HMGA2: variants seen among roughly 807,000 people sequenced by gnomAD.
HMGA2 encodes high mobility group AT-hook 2, also known as high mobility group protein HMGI-C.
In HMGA2, 8 loss-of-function variants were observed where a neutral mutation model predicts 19.1. The ratio of observed to expected loss-of-function variants is 0.42; its 90% confidence interval spans 0.25 to 0.76. HMGA2 has a LOEUF of 0.76. Among genes scored for constraint, HMGA2 ranks in the 30% least tolerant of loss-of-function variants. The pLI, the probability that HMGA2 is intolerant of heterozygous loss-of-function variation, is 0.28. For synonymous variants in HMGA2, 60 were observed against 48.8 expected (o/e 1.23, Z -0.96); for missense variants, 109 against 136.3 (o/e 0.80, Z 1.00).
intron 4 of HMGA2, among the ~76,000 whole-genome samples, chr12:65,959,808 G>A (rs1214141660): frequency 6.6e-6 from 1 of 152,224 alleles, no homozygotes; most frequent in Non-Finnish European, 1.5e-5. Flanking sequence ...TTGACCATTA[G>A]GTGACAAATG....
intron 3 of HMGA2, among the ~76,000 whole-genome samples, chr12:65,918,247 C>T (rs967755980): frequency 3.3e-5 from 5 of 152,112 alleles, no homozygotes; most frequent in African/African-American, 1.2e-4. Flanking sequence ...GTTTCATTTT[C>T]GTAAGAGTAC....
intron 3 of HMGA2, among the ~76,000 whole-genome samples, chr12:65,878,958 T>G (rs1873205595): frequency 6.6e-6 from 1 of 152,200 alleles, no homozygotes; most frequent in African/African-American, 2.4e-5. Context: ...TCCAATTTCT[T>G]GCTTCGAATG....
At chr12:65,870,896 G>C (rs1331101200) in intron 3 of HMGA2, among the ~76,000 whole-genome samples, 1 of 152,174 alleles carries the variant, frequency 6.6e-6, no homozygotes, top group Admixed American at 6.5e-5. Context: ...CATGGGTGAG[G>C]GGGTGGATGT....
At chr12:65,929,446 T>C (rs1049712899) in intron 3 of HMGA2, among the ~76,000 whole-genome samples, 9 of 151,524 alleles carry the variant, frequency 5.9e-5, no homozygotes, top group African/African-American at 2.2e-4. Context: ...GACCTATGTA[T>C]ATATGTATTA....
intron 3 of HMGA2, among the ~76,000 whole-genome samples, chr12:65,875,932 G>T (rs141205239): frequency 7.9e-5 from 12 of 152,060 alleles, no homozygotes; most frequent in Admixed American, 6.6e-5. Flanking sequence ...TGCTTCTTCA[G>T]CTATTTTTAG....
intron 2 of HMGA2, among the ~76,000 whole-genome samples, chr12:65,832,571 G>A (rs1870525757): frequency 6.6e-6 from 1 of 152,002 alleles, no homozygotes; most frequent in African/African-American, 2.4e-5. Flanking sequence ...AACATGTCTT[G>A]TCTTGTTAGT....
chr12:65,842,850 T>C, intron 3 of HMGA2: 1 of 1,321,940 alleles, frequency 7.6e-7, no homozygotes, highest in Non-Finnish European at 9.6e-7. Context: ...ATGGAAAGTA[T>C]TTGGAGAAAG....
intron 3 of HMGA2, among the ~76,000 whole-genome samples, chr12:65,920,850 G>C (rs1344842331): frequency 1.3e-5 from 2 of 152,180 alleles, no homozygotes; most frequent in Admixed American, 6.5e-5. Context: ...CAGGAGAGTG[G>C]GGCATTGCTG....
chr12:65,918,782 G>T (rs1051865286), intron 3 of HMGA2, among the ~76,000 whole-genome samples: 48 of 152,262 alleles, frequency 3.2e-4, no homozygotes, highest in African/African-American at 1.1e-3. Context: ...GCTCCCATAA[G>T]GGCAACAGAG....
chr12:65,829,134 G>A (rs910086690), intron 2 of HMGA2: 1 of 152,110 alleles, frequency 6.6e-6, no homozygotes, highest in African/African-American at 2.4e-5. Context: ...AATGTTTTGT[G>A]TGATTTTCTT....
At chr12:65,912,003 A>G (rs1874866974) in intron 3 of HMGA2, among the ~76,000 whole-genome samples, 2 of 152,306 alleles carry the variant, frequency 1.3e-5, no homozygotes, top group South Asian at 2.1e-4. Context: ...ACTTATAGAT[A>G]ATACGTTGTA....
At chr12:65,844,829 G>T (rs1163054655) in intron 3 of HMGA2, among the ~76,000 whole-genome samples, 1 of 152,198 alleles carries the variant, frequency 6.6e-6, no homozygotes, top group Non-Finnish European at 1.5e-5. Context: ...AGGAAGAAGA[G>T]ATTTTTCTCA....
At chr12:65,827,165 G>A (rs1052239071) in intron 1 of HMGA2, among the ~76,000 whole-genome samples, 3 of 152,320 alleles carry the variant, frequency 2.0e-5, no homozygotes, top group South Asian at 2.1e-4. Context: ...GCTAAACCAA[G>A]TGATTGCTTC....
intron 3 of HMGA2, among the ~76,000 whole-genome samples, chr12:65,918,695 T>C (rs537328192): frequency 2.6e-5 from 4 of 152,304 alleles, no homozygotes; most frequent in Non-Finnish European, 5.9e-5. Context: ...TGTTGACAAA[T>C]TTCAGGAGGC....
chr12:65,915,833 G>A (rs958349843), intron 3 of HMGA2, among the ~76,000 whole-genome samples: 1 of 152,180 alleles, frequency 6.6e-6, no homozygotes, highest in Non-Finnish European at 1.5e-5. Context: ...CAGATTCTTA[G>A]TAATAGCAAA....
At chr12:65,833,904 G>A (rs1427940210) in intron 2 of HMGA2, among the ~76,000 whole-genome samples, 1 of 152,122 alleles carries the variant, frequency 6.6e-6, no homozygotes, top group Non-Finnish European at 1.5e-5. Flanking sequence ...ATATTTGTGG[G>A]TAGCATTTTA....
intron 3 of HMGA2, among the ~76,000 whole-genome samples, chr12:65,918,095 T>C (rs1875174457): frequency 6.6e-6 from 1 of 152,224 alleles, no homozygotes; most frequent in African/African-American, 2.4e-5. Flanking sequence ...AAGACCCTCT[T>C]GTGAAATGCC....
At chr12:65,914,430 G>T (rs1874984795) in intron 3 of HMGA2, among the ~76,000 whole-genome samples, 1 of 146,260 alleles carries the variant, frequency 6.8e-6, no homozygotes, top group Admixed American at 7.0e-5. Context: ...ACTCATAGGT[G>T]GGAATTGAAC....
chr12:65,953,347 T>G (rs1876517861), intron 4 of HMGA2: 1 of 152,096 alleles, frequency 6.6e-6, no homozygotes, highest in South Asian at 2.1e-4. Context: ...ATGCCTCAGG[T>G]TATCAAGGGG....
Sources: gnomAD v4.1 joint callset for allele counts (sites outside exome capture counted in the v4.1 genomes callset) on GRCh38, gnomAD v4.1.1 for gene constraint, MANE v1.5 for transcripts, NCBI Gene and HGNC (gene_info 2026-07-23, HGNC 2026-07-21) for gene names.